The following KIAA0825 variants were observed in gnomAD, a reference collection of about 807,000 sequenced individuals.
KIAA0825 encodes KIAA0825, also known as uncharacterized protein KIAA0825.
KIAA0825 carries 119 observed loss-of-function variants against 147.6 expected under a neutral mutation model. The observed-to-expected ratio is 0.81, with a 90% CI of 0.69 to 0.94. KIAA0825 has a LOEUF of 0.94. Among genes scored for constraint, KIAA0825 ranks in the 40% least tolerant of loss-of-function variants. The pLI, the probability that KIAA0825 is intolerant of heterozygous loss-of-function variation, is 0.00. For missense variants in KIAA0825, 1,381 were observed against 1,472.7 expected, an observed-to-expected ratio of 0.94 and a Z score of 1.02; for synonymous variants, 470 against 518.1, an observed-to-expected ratio of 0.91 and a Z score of 1.26.
At chr5:94,611,332 G>C (rs74373479) in intron 1 of KIAA0825, among the ~76,000 whole-genome samples, 2,206 of 152,112 alleles carry the variant, frequency 0.015, 27 homozygotes, top group Non-Finnish European at 0.023. Context: ...ATCTAAATCA[G>C]TTGTTTTCAA....
intron 2 of KIAA0825, among the ~76,000 whole-genome samples, chr5:94,540,036 G>A (rs1465453488): frequency 1.3e-5 from 2 of 152,148 alleles, no homozygotes; most frequent in Non-Finnish European, 1.5e-5. Context: ...ACCAACAAGT[G>A]GCCACTTGAA....
At chr5:94,315,502 A>G (rs571947459) in intron 20 of KIAA0825, among the ~76,000 whole-genome samples, 1 of 151,862 alleles carries the variant, frequency 6.6e-6, no homozygotes, top group Admixed American at 6.6e-5. Context: ...GCCATTTTTA[A>G]TTACTGAGCA....
intron 20 of KIAA0825, among the ~76,000 whole-genome samples, chr5:94,233,627 T>C (rs1352127781): frequency 6.6e-6 from 1 of 152,106 alleles, no homozygotes; most frequent in Non-Finnish European, 1.5e-5. Flanking sequence ...CTGAATGAAT[T>C]GTGGGAGGAG....
chr5:94,473,745 T>A, intron 7 of KIAA0825, among the ~76,000 whole-genome samples: 1 of 152,224 alleles, frequency 6.6e-6, no homozygotes, highest in East Asian at 1.9e-4. Flanking sequence ...TTCATTTTAA[T>A]TCATCAGTAG....
At chr5:94,515,581 A>C (rs951395669) in intron 5 of KIAA0825, among the ~76,000 whole-genome samples, 1 of 151,966 alleles carries the variant, frequency 6.6e-6, no homozygotes, top group African/African-American at 2.4e-5. Flanking sequence ...CACCTGAGGT[A>C]AGGAGTTTGA....
At chr5:94,177,897 C>T (rs1769252050) in intron 20 of KIAA0825, among the ~76,000 whole-genome samples, 1 of 152,058 alleles carries the variant, frequency 6.6e-6, no homozygotes, top group African/African-American at 2.4e-5. Flanking sequence ...ACTGTCCCTT[C>T]TCTTATGGAA....
chr5:94,295,304 C>G (rs905911279), intron 20 of KIAA0825, among the ~76,000 whole-genome samples: 9 of 151,924 alleles, frequency 5.9e-5, no homozygotes, highest in African/African-American at 2.2e-4. Context: ...ACTGGTTATT[C>G]TAGTTAGCAA....
intron 2 of KIAA0825, among the ~76,000 whole-genome samples, chr5:94,553,662 AG>A (rs1775983071): frequency 6.6e-6 from 1 of 151,472 alleles, no homozygotes. Context: ...GCTACTCAGG[AG>A]GCTGAGGCAG....
chr5:94,517,650 A>G (rs1214280623), intron 5 of KIAA0825, among the ~76,000 whole-genome samples: 1 of 151,650 alleles, frequency 6.6e-6, no homozygotes, highest in Non-Finnish European at 1.5e-5. Flanking sequence ...AATCATTTAA[A>G]TCATATACAT....
intron 20 of KIAA0825, among the ~76,000 whole-genome samples, chr5:94,363,917 A>C (rs1383799211): frequency 6.6e-6 from 1 of 152,092 alleles, no homozygotes. Context: ...TCTCTTGGTG[A>C]TTCTTTCTTT....
chr5:94,441,258 C>T (rs901105241), intron 13 of KIAA0825, among the ~76,000 whole-genome samples: 13 of 139,474 alleles, frequency 9.3e-5, no homozygotes, highest in East Asian at 7.7e-4. Context: ...AATTCTGGGG[C>T]GGGGATTGGG....
chr5:94,380,816 G>A (rs1181436063), intron 20 of KIAA0825, among the ~76,000 whole-genome samples: 1 of 152,214 alleles, frequency 6.6e-6, no homozygotes, highest in Non-Finnish European at 1.5e-5. Context: ...TCATGAATCG[G>A]AAGGAGATGT....
chr5:94,183,696 G>A (rs2149983150), intron 20 of KIAA0825, among the ~76,000 whole-genome samples: 1 of 152,226 alleles, frequency 6.6e-6, no homozygotes, highest in South Asian at 2.1e-4. Context: ...GAGCTTCTGG[G>A]TTAGTGAACA....
At chr5:94,312,419 G>A (rs745995081) in intron 20 of KIAA0825, among the ~76,000 whole-genome samples, 4 of 151,542 alleles carry the variant, frequency 2.6e-5, no homozygotes, top group Non-Finnish European at 4.4e-5. Context: ...GAGTCTGTGC[G>A]CTACCTGCTA....
intron 20 of KIAA0825, among the ~76,000 whole-genome samples, chr5:94,306,303 C>T (rs1297851158): frequency 6.6e-6 from 1 of 151,596 alleles, no homozygotes; most frequent in African/African-American, 2.4e-5. Context: ...CTGTCCAGAC[C>T]AGTAAGTACA....
chr5:94,480,022 T>C (rs1221289488), intron 6 of KIAA0825, among the ~76,000 whole-genome samples: 1 of 152,116 alleles, frequency 6.6e-6, no homozygotes, highest in Non-Finnish European at 1.5e-5. Flanking sequence ...AGTTTTTTCT[T>C]AGTTTGTGGC....
chr5:94,217,690 T>G (rs1175037637), intron 20 of KIAA0825, among the ~76,000 whole-genome samples: 1 of 152,184 alleles, frequency 6.6e-6, no homozygotes. Context: ...CTTTTGCTAT[T>G]CATGTATTTA....
At chr5:94,565,095 CTTTTT>C (rs1176429699) in intron 2 of KIAA0825, among the ~76,000 whole-genome samples, 1 of 52,936 alleles carries the variant, frequency 1.9e-5, no homozygotes, top group Non-Finnish European at 3.7e-5. Flanking sequence ...TCTTGCTTTC[CTTTTT>C]TTTTTTTTTT....
intron 20 of KIAA0825, among the ~76,000 whole-genome samples, chr5:94,352,148 G>A (rs1355832545): frequency 1.3e-5 from 2 of 152,144 alleles, no homozygotes; most frequent in African/African-American, 2.4e-5. Context: ...AGAGTGGGAG[G>A]AAATCTTCAC....
Sources: allele counts gnomAD v4.1 joint callset (sites outside exome capture counted in the v4.1 genomes callset), GRCh38; gene constraint gnomAD v4.1.1; transcripts MANE v1.5; gene names NCBI Gene and HGNC (gene_info 2026-07-23, HGNC 2026-07-21).